TFCP2: variants seen among roughly 807,000 people sequenced by gnomAD.
The protein encoded by TFCP2 is alpha-globin transcription factor CP2.
Under a neutral mutation model 73.4 loss-of-function variants are expected in TFCP2, and 33 were observed. That is an observed-to-expected ratio of 0.45 (90% CI 0.34 to 0.60). The LOEUF (loss-of-function observed/expected upper bound fraction) is 0.60. Among genes scored for constraint, TFCP2 ranks in the 20% least tolerant of loss-of-function variants. The probability of loss-of-function intolerance (pLI) is 0.01; values close to 1 mark genes in which losing one functional copy is unlikely to be tolerated. For missense variants in TFCP2, 352 were observed against 604.0 expected, an observed-to-expected ratio of 0.58 and a Z score of 4.37; for synonymous variants, 193 against 211.6, an observed-to-expected ratio of 0.91 and a Z score of 0.76.
chr12:51,125,138 C>G, intron 1 of TFCP2: 3 of 741,704 alleles, frequency 4.0e-6, no homozygotes, highest in Non-Finnish European at 7.6e-6. Context: ...AGATGATGCG[C>G]AGTGTGATAT....
At chr12:51,159,778 T>A (rs1446514029) in intron 1 of TFCP2, among the ~76,000 whole-genome samples, 3 of 152,058 alleles carry the variant, frequency 2.0e-5, no homozygotes, top group East Asian at 1.9e-4. Flanking sequence ...CTGCACTTGA[T>A]CCAGATTCCT....
At chr12:51,123,348 T>C (rs1940728561) in intron 1 of TFCP2, among the ~76,000 whole-genome samples, 1 of 152,220 alleles carries the variant, frequency 6.6e-6, no homozygotes, top group Non-Finnish European at 1.5e-5. Context: ...CAGTTCCACA[T>C]TCCTAGAGAT....
chr12:51,109,946 T>C (rs1210744302), intron 5 of TFCP2, among the ~76,000 whole-genome samples: 3 of 152,086 alleles, frequency 2.0e-5, no homozygotes, highest in African/African-American at 7.2e-5. Context: ...CTCGAACTCC[T>C]GACCTCAGGT....
intron 3 of TFCP2, among the ~76,000 whole-genome samples, chr12:51,116,950 T>A (rs1940542556): frequency 6.6e-6 from 1 of 152,160 alleles, no homozygotes; most frequent in Non-Finnish European, 1.5e-5. Flanking sequence ...AGTTAACTGG[T>A]ACCATATTTA....
At chr12:51,151,639 T>G (rs942090749) in intron 1 of TFCP2, among the ~76,000 whole-genome samples, 2 of 151,962 alleles carry the variant, frequency 1.3e-5, no homozygotes, top group African/African-American at 2.4e-5. Flanking sequence ...GGTTTCACCG[T>G]GTTAGCCAGG....
chr12:51,126,136 G>A (rs1445286425), intron 1 of TFCP2, among the ~76,000 whole-genome samples: 2 of 151,726 alleles, frequency 1.3e-5, no homozygotes, highest in African/African-American at 2.4e-5. Context: ...GGGAAGCTGA[G>A]GCAGGAGAAT....
At chr12:51,162,174 A>G (rs1297467695) in intron 1 of TFCP2, among the ~76,000 whole-genome samples, 4 of 152,146 alleles carry the variant, frequency 2.6e-5, no homozygotes, top group African/African-American at 9.7e-5. Context: ...GGCTGGGCAC[A>G]GTGGCTCACA....
chr12:51,120,929 A>AG (rs1940651607), intron 1 of TFCP2, among the ~76,000 whole-genome samples: 1 of 150,072 alleles, frequency 6.7e-6, no homozygotes, highest in South Asian at 2.1e-4. Context: ...AAAAAAAAAA[A>AG]GGTAAAAAGA....
At chr12:51,099,825 A>G (rs898083577) in intron 11 of TFCP2, 46 bp from the exon 12 acceptor site, 1 of 1,593,274 alleles carries the variant, frequency 6.3e-7, no homozygotes, top group Non-Finnish European at 8.6e-7. Context: ...CTTTATGGTA[A>G]GCACAATAAA....
intron 1 of TFCP2, among the ~76,000 whole-genome samples, chr12:51,157,681 C>CTTTTTTTTTTTT (rs770963610): frequency 2.6e-5 from 2 of 77,288 alleles, no homozygotes; most frequent in African/African-American, 4.6e-5. Context: ...TTTTTCTTTT[C>CTTTTTTTTTTTT]TTTTCTTTTT....
chr12:51,172,189 C>T (rs1941876063), intron 1 of TFCP2, 112 bp downstream of exon 1: 1 of 1,442,994 alleles, frequency 6.9e-7, no homozygotes, highest in Non-Finnish European at 9.4e-7. Flanking sequence ...TTTCCCCAAT[C>T]GTAAACAGCT....
intron 13 of TFCP2, among the ~76,000 whole-genome samples, chr12:51,096,979 C>G (rs1253891084): frequency 7.3e-6 from 1 of 136,188 alleles, no homozygotes; most frequent in Non-Finnish European, 1.6e-5. Context: ...TTTTTTTTTT[C>G]TGAGACAGAG....
At chr12:51,126,335 ACAC>A (rs1940818941) in intron 1 of TFCP2, among the ~76,000 whole-genome samples, 1 of 152,130 alleles carries the variant, frequency 6.6e-6, no homozygotes, top group Non-Finnish European at 1.5e-5. Context: ...ATGGAAATCC[ACAC>A]CTCAGCATGG....
At chr12:51,107,629 C>T (rs7976777) in intron 6 of TFCP2, among the ~76,000 whole-genome samples, 24,518 of 151,190 alleles carry the variant, frequency 0.16, 2,198 homozygotes, top group South Asian at 0.26. Flanking sequence ...TTTTTTGAGA[C>T]GGAGTCTCAT....
chr12:51,167,761 T>C (rs1249675389), intron 1 of TFCP2, among the ~76,000 whole-genome samples: 1 of 152,176 alleles, frequency 6.6e-6, no homozygotes, highest in East Asian at 1.9e-4. Flanking sequence ...TCCAAGGTCT[T>C]ATTAAAAGGA....
intron 8 of TFCP2, among the ~76,000 whole-genome samples, chr12:51,106,226 G>A (rs1158154142): frequency 6.6e-6 from 1 of 152,018 alleles, no homozygotes; most frequent in Non-Finnish European, 1.5e-5. Flanking sequence ...ATAGGGAGAG[G>A]CAAAAAGCCC....
At chr12:51,124,640 A>C (rs749911421) in intron 1 of TFCP2, 7 of 562,448 alleles carry the variant, frequency 1.2e-5, no homozygotes, top group Middle Eastern at 2.8e-4. Context: ...ATGTTCCGAG[A>C]GCCTCCGCGG....
chr12:51,156,345 G>GC lies in TFCP2; in HGVS notation c.122+15955_122+15956insG, dbSNP rs1228305170. On this transcript the variant is annotated intron_variant, in intron 1 of 14. Coordinates refer to ENST00000257915, the MANE Select transcript of TFCP2 (RefSeq NM_005653.5). Reference sequence around the variant, plus strand: ...GTCACATGGCAACAGAGGAAGCAAGGGGGGGGGAGGTGCCACACTTAAACA... The same window carrying GC: ...GTCACATGGCAACAGAGGAAGCAAGGCGGGGGGGAGGTGCCACACTTAAACA... Among the ~76,000 whole-genome samples, 7 of 151,656 alleles carry GC rather than the reference G, an allele frequency of 4.6e-5. No individual in the cohort carries two copies. The South Asian group carries it at 6.3e-4, about 14-fold the overall frequency.
chr12:51,151,733 GCCAATAC>G (rs1941432346), intron 1 of TFCP2, among the ~76,000 whole-genome samples: 1 of 152,164 alleles, frequency 6.6e-6, no homozygotes, highest in African/African-American at 2.4e-5. Context: ...ACCACGCCCG[GCCAATAC>G]CTAATTTTAA....
Sources: allele counts gnomAD v4.1 joint callset (sites outside exome capture counted in the v4.1 genomes callset), GRCh38; gene constraint gnomAD v4.1.1; transcripts MANE v1.5; gene names NCBI Gene and HGNC (gene_info 2026-07-23, HGNC 2026-07-21).